The following MAP2K4 variants were observed in gnomAD, a reference collection of about 807,000 sequenced individuals.
The protein encoded by MAP2K4 is mitogen-activated protein kinase kinase 4.
MAP2K4 carries 4 observed loss-of-function variants against 48.5 expected under a neutral mutation model. The observed-to-expected ratio is 0.08, with a 90% CI of 0.04 to 0.19. MAP2K4 has a LOEUF of 0.19. Ranked by LOEUF, MAP2K4 falls within the 10% of genes least tolerant of loss-of-function variation. The probability of loss-of-function intolerance (pLI) is 1.00; values close to 1 mark genes in which losing one functional copy is unlikely to be tolerated. For missense variants in MAP2K4, 258 were observed against 493.3 expected (o/e 0.52, Z 4.52); for synonymous variants, 166 against 173.1 (o/e 0.96, Z 0.32).
At chr17:12,041,504 A>G (rs1042453786) in intron 1 of MAP2K4, among the ~76,000 whole-genome samples, 2 of 152,252 alleles carry the variant, frequency 1.3e-5, no homozygotes, top group Non-Finnish European at 2.9e-5. Context: ...CATGGCAGTT[A>G]AAAATGCCAC....
At chr17:12,109,172 A>G (rs556229462) in intron 5 of MAP2K4, among the ~76,000 whole-genome samples, 26 of 152,268 alleles carry the variant, frequency 1.7e-4, no homozygotes, top group African/African-American at 6.3e-4. Flanking sequence ...GTGGTAAATA[A>G]TCTAAATCCA....
rs902824421 is a variant in MAP2K4, at chr17:12,036,359, A to G, written c.115+15358A>G. The G allele has an allele frequency of 1.4e-4, 21 of 152,330 alleles. No homozygotes were observed. The East Asian group carries it at 3.9e-3, about 28-fold the overall frequency. The allele number at this position is 152,330 out of a possible 1,614,324, so 9.4% of individuals were successfully genotyped here. On this transcript the variant is annotated intron_variant, in intron 1 of 10. Coordinates refer to ENST00000353533, the MANE Select transcript of MAP2K4 (RefSeq NM_003010.4). The stretch of plus-strand genomic sequence containing the variant: ...TGTTATTTGAAGATAATGTTTTTGT[A>G]CATGTAAAGGTATTTATATAATTTA...
At chr17:12,043,738 C>T (rs1044543075) in intron 1 of MAP2K4, among the ~76,000 whole-genome samples, 6 of 152,092 alleles carry the variant, frequency 3.9e-5, no homozygotes, top group Non-Finnish European at 7.4e-5. Flanking sequence ...AGGGGAATAG[C>T]GCAGAGGTTC....
chr17:12,139,141 TATTA>T (rs1973300523), intron 9 of MAP2K4, among the ~76,000 whole-genome samples: 1 of 152,252 alleles, frequency 6.6e-6, no homozygotes, highest in Middle Eastern at 3.4e-3. Context: ...GATAGTAAAA[TATTA>T]ATTGAGGTTG....
Position 12,020,906 on chromosome 17 carries a change from G to A in MAP2K4, c.20G>A (p.Ser7Asn). 3 of 1,197,386 alleles carry A rather than the reference G, an allele frequency of 2.5e-6. No individual in the cohort carries two copies. The highest frequency in any genetic ancestry group is 4.4e-5 in the Admixed American group (1 of 22,746). 74.2% of individuals were successfully genotyped at this position (1,197,386 alleles called of 1,614,324 possible). A position where few individuals can be genotyped will look rare whatever the true frequency, so the allele number is the denominator to read the frequency against. The change falls in exon 1 of 11, where the codon AGC (serine) becomes AAC (asparagine). Residue 7 changes from serine to asparagine, a missense_variant. Ser to Asn is a conservative substitution (Grantham distance 46). Coordinates refer to ENST00000353533, the MANE Select transcript of MAP2K4 (RefSeq NM_003010.4). Reference sequence around the variant, plus strand: ...CCAACAATGGCGGCTCCGAGCCCGAGCGGCGGCGGCGGCTCCGGGGGCGGC... The same window carrying A: ...CCAACAATGGCGGCTCCGAGCCCGAACGGCGGCGGCGGCTCCGGGGGCGGC... Reference protein sequence around the residue: MAAPSPSGGGGSGGGSG... With the variant: MAAPSPNGGGGSGGGSG...
At chr17:12,129,080 A>G (rs1341179755) in intron 8 of MAP2K4, 59 bp from the exon 9 acceptor site, 1 of 1,563,206 alleles carries the variant, frequency 6.4e-7, no homozygotes, top group Non-Finnish European at 8.7e-7. Context: ...TGGCCCTTCC[A>G]GTGGGGAGTA....
intron 9 of MAP2K4, among the ~76,000 whole-genome samples, chr17:12,135,574 G>C (rs769464982): frequency 3.3e-5 from 5 of 151,390 alleles, no homozygotes; most frequent in Non-Finnish European, 7.4e-5. Context: ...ATTTAGGACA[G>C]AGTCTGGCTC....
Position 12,135,793 on chromosome 17 carries a change from G to A in MAP2K4, c.1041-4046G>A, listed in dbSNP as rs1057057712. On this transcript the variant is annotated intron_variant, in intron 9 of 10. Transcript: ENST00000353533. Reference sequence around the variant, plus strand: ...TCGAACTCCTGACCTCAGGTGATCCGCCTGCCTCAGCCTCCCAAAGTTCTG... The same window carrying A: ...TCGAACTCCTGACCTCAGGTGATCCACCTGCCTCAGCCTCCCAAAGTTCTG... 3.9e-5 allele frequency among the ~76,000 whole-genome samples: 6 copies of A among 152,158 alleles called. No homozygotes were observed. The South Asian group carries it at 8.3e-4, about 21-fold the overall frequency.
At chr17:12,124,450 C>G (rs1249615451) in intron 7 of MAP2K4, 2 of 152,086 alleles carry the variant, frequency 1.3e-5, no homozygotes, top group African/African-American at 4.8e-5. Context: ...GACTAACAGA[C>G]AAATATCTTT....
At chr17:12,029,163 G>C (rs1422621158) in intron 1 of MAP2K4, among the ~76,000 whole-genome samples, 1 of 152,096 alleles carries the variant, frequency 6.6e-6, no homozygotes, top group Non-Finnish European at 1.5e-5. Context: ...TCTTAAAATT[G>C]AGGTAAGAGG....
At chr17:12,107,739 CA>C in intron 4 of MAP2K4, 50 bp from the exon 5 acceptor site, 1 of 1,463,106 alleles carries the variant, frequency 6.8e-7, no homozygotes, top group Non-Finnish European at 9.2e-7. Flanking sequence ...TAAGTAAAGG[CA>C]AGGTGATATT....
At chr17:12,057,212 T>A (rs996799458) in intron 2 of MAP2K4, among the ~76,000 whole-genome samples, 4 of 152,188 alleles carry the variant, frequency 2.6e-5, no homozygotes, top group African/African-American at 7.2e-5. Flanking sequence ...ATGGATTGAA[T>A]GTCAAATTAA....
intron 3 of MAP2K4, chr17:12,095,322 T>G: frequency 2.1e-6 from 1 of 472,744 alleles, no homozygotes; most frequent in Non-Finnish European, 3.9e-6. Context: ...ACTCCCAACA[T>G]TATTAGTAAA....
At chr17:12,087,580 A>G (rs1337003169) in intron 3 of MAP2K4, among the ~76,000 whole-genome samples, 2 of 152,062 alleles carry the variant, frequency 1.3e-5, no homozygotes, top group African/African-American at 4.8e-5. Context: ...AATTAAGTGG[A>G]TCTCAGTATC....
chr17:12,034,326 A>G (rs1969528491), intron 1 of MAP2K4, among the ~76,000 whole-genome samples: 1 of 152,214 alleles, frequency 6.6e-6, no homozygotes, highest in South Asian at 2.1e-4. Flanking sequence ...GAAGAATTTA[A>G]CAATGGAGGC....
rs114958806 is a variant in MAP2K4 at position 12,067,978 on chromosome 17, G to A, written c.218+12987G>A. ...GGGCCTAATTTAGAAGGAGGGTGGT[G>A]AAAATGTAGTCAATGAAGGCTTCTA... On this transcript the variant is annotated intron_variant, in intron 2 of 10. Coordinates refer to ENST00000353533, the MANE Select transcript of MAP2K4 (RefSeq NM_003010.4). Among the ~76,000 whole-genome samples, 1,352 of 152,200 alleles carry A rather than the reference G, an allele frequency of 8.9e-3. 22 individuals carry two copies. The highest frequency in any genetic ancestry group is 0.031 in the African/African-American group (1,294 of 41,526).
intron 9 of MAP2K4, among the ~76,000 whole-genome samples, chr17:12,129,830 C>G (rs745831126): frequency 6.6e-6 from 1 of 152,158 alleles, no homozygotes; most frequent in Non-Finnish European, 1.5e-5. Flanking sequence ...AACCCCACAC[C>G]TGTTGTTGTT....
Position 12,142,290 on chromosome 17 carries a change from A to C in MAP2K4, c.*1030A>C, listed in dbSNP as rs954528193. 3.4e-5 allele frequency: 8 copies of C among 233,460 alleles called. No individual in the cohort carries two copies. The highest frequency in any genetic ancestry group is 1.8e-4 in the African/African-American group (8 of 45,362). 14.5% of individuals were successfully genotyped at this position (233,460 alleles called of 1,614,324 possible). On this transcript the variant is annotated 3_prime_UTR_variant, in exon 11 of 11. Transcript: ENST00000353533. ...CTTGATTGATTAGATAAAGATTTCTAGTAGGCAGCAAAAGACCAAATCTCA... is the reference window on the plus strand; with the variant it reads ...CTTGATTGATTAGATAAAGATTTCTCGTAGGCAGCAAAAGACCAAATCTCA...
Position 12,081,450 on chromosome 17 carries a change from C to T in MAP2K4, c.313C>T (p.Leu105Phe), listed in dbSNP as rs773665341. The T allele has an allele frequency of 2.8e-5, 45 of 1,614,030 alleles. No individual in the cohort carries two copies. The highest frequency in any genetic ancestry group is 3.8e-5 in the Non-Finnish European group (45 of 1,180,026). The change falls in exon 3 of 11, where the codon CTT (leucine) becomes TTT (phenylalanine). Residue 105 changes from leucine (L) to phenylalanine (F), a missense_variant. By Grantham distance (22) the Leu-to-Phe change is conservative. Transcript: ENST00000353533. This position sits in a 1 kb window ranked among gnomAD's most constrained non-coding sequence, Gnocchi z 4.2. ...WDFTAEDLKD[L>F]GEIGRGAYGS... Reference sequence around the variant, plus strand: ...TTTCACTGCAGAGGACTTGAAAGACCTTGGAGAAATTGGACGAGGAGCTTA... The same window carrying T: ...TTTCACTGCAGAGGACTTGAAAGACTTTGGAGAAATTGGACGAGGAGCTTA...
Sources: allele counts gnomAD v4.1 joint callset (sites outside exome capture counted in the v4.1 genomes callset), GRCh38; gene constraint gnomAD v4.1.1; non-coding constraint Gnocchi (gnomAD v3.1); transcripts MANE v1.5; gene names NCBI Gene and HGNC (gene_info 2026-07-23, HGNC 2026-07-21).